Variants in PIK3CD observed in about 807,000 individuals in gnomAD.
The protein encoded by PIK3CD is phosphatidylinositol-4,5-bisphosphate 3-kinase catalytic subunit delta, also known as phosphatidylinositol 4,5-bisphosphate 3-kinase catalytic subunit delta isoform.
Under a neutral mutation model 122.9 loss-of-function variants are expected in PIK3CD, and 20 were observed. The ratio of observed to expected loss-of-function variants is 0.16; its 90% CI spans 0.11 to 0.24. The LOEUF (loss-of-function observed/expected upper bound fraction) is 0.24, where lower values mean the gene tolerates loss of function less well. Among genes scored for constraint, PIK3CD ranks in the 10% least tolerant of loss-of-function variants. PIK3CD has a pLI of 1.00. For missense variants in PIK3CD, 787 were observed against 1,406.3 expected, an observed-to-expected ratio of 0.56 and a Z score of 7.04; for synonymous variants, 596 against 593.4, an observed-to-expected ratio of 1.00 and a Z score of -0.06.
rs752785279 is a variant in PIK3CD at position 9,678,919 on chromosome 1, T to A, written c.-137-12548T>A. 5.9e-5 allele frequency among the ~76,000 whole-genome samples: 9 copies of A among 152,168 alleles called. No homozygotes were observed. The East Asian group carries it at 1.5e-3, about 26-fold the overall frequency. On this transcript the variant is annotated intron_variant, in intron 1 of 23. Transcript: ENST00000377346. ...CGTCTTTGGGTGACTCTCCACTGTA[T>A]CATCGGCTCATTTCTGGAAGAGGAC...
intron 1 of PIK3CD, chr1:9,681,114 C>T (rs925541653): frequency 7.9e-5 from 12 of 151,520 alleles, no homozygotes; most frequent in Non-Finnish European, 1.3e-4. Flanking sequence ...ACTGGCTTAC[C>T]CCAGAGCAAG....
Position 9,723,942 on chromosome 1 carries a change from C to T in PIK3CD, c.2595-27C>T, listed in dbSNP as rs763143163. 7 of 1,611,666 alleles carry T rather than the reference C, an allele frequency of 4.3e-6. No homozygotes were observed. The South Asian group carries it at 5.5e-5, about 13-fold the overall frequency. Reference sequence around the variant, plus strand: ...TAGGCGGAGCTGCAAAATGGTATGGCCATGCTTTTTAATCTTCCCCACCCA... The same window carrying T: ...TAGGCGGAGCTGCAAAATGGTATGGTCATGCTTTTTAATCTTCCCCACCCA... On this transcript the variant is annotated intron_variant, in intron 20 of 23. Coordinates refer to ENST00000377346, the MANE Select transcript of PIK3CD (RefSeq NM_005026.5). This position sits in a 1 kb window ranked among gnomAD's most constrained non-coding sequence, Gnocchi z 4.9.
At chr1:9,643,318 G>A in the PIK3CD span, among the ~76,000 whole-genome samples, 19 of 151,650 alleles carry the variant, frequency 1.3e-4, no homozygotes, top group African/African-American at 4.6e-4. Flanking sequence ...GCTGAGGCAG[G>A]AATTGCTTGA....
Position 9,689,436 on chromosome 1 carries a change from G to T in PIK3CD, c.-137-2031G>T, listed in dbSNP as rs1646102965. Among the ~76,000 whole-genome samples the T allele has an allele frequency of 6.7e-6, 1 of 150,268 alleles. No homozygotes were observed. The highest frequency in any genetic ancestry group is 1.5e-5 in the Non-Finnish European group (1 of 67,280). On this transcript the variant is annotated intron_variant, in intron 1 of 23. Transcript: ENST00000377346. This position sits in a 1 kb window ranked among gnomAD's most constrained non-coding sequence, Gnocchi z 6.1. ...GGGGGTGTGAGAATTTGCCGACGGT[G>T]CCCGCGCCGCCGCCGGCCCCGGCCC...
rs375788623 is a variant in PIK3CD at position 9,678,021 on chromosome 1, G to A, written c.-137-13446G>A. Among the ~76,000 whole-genome samples the A allele has an allele frequency of 6.6e-5, 10 of 152,124 alleles. No individual in the cohort carries two copies. In the East Asian group the frequency reaches 1.9e-3, roughly 29 times the overall value. ...TAGCTGGGTGTGGTGGCGCCTGCCT[G>A]TAATCCCAGCTGCTTGGGAGGCTGA... On this transcript the variant is annotated intron_variant, in intron 1 of 23. Transcript: ENST00000377346.
chr1:9,704,959 G>A lies in PIK3CD; in HGVS notation c.-32-5465G>A, dbSNP rs1646773642. Among the ~76,000 whole-genome samples, 1 of 152,206 alleles carries A rather than the reference G, an allele frequency of 6.6e-6. No individual in the cohort carries two copies. The highest frequency in any genetic ancestry group is 6.5e-5 in the Admixed American group (1 of 15,270). ...GAGATGTGCAGCTCTCGCTCCTCAG[G>A]GCAGCTGGGGTCCAGCTGACGGTGA... On this transcript the variant is annotated intron_variant, in intron 2 of 23. Transcript: ENST00000377346. This position sits in a 1 kb window ranked among gnomAD's most constrained non-coding sequence, Gnocchi z 5.0.
chr1:9,662,286 C>G (rs1645031987), intron 1 of PIK3CD: 1 of 152,794 alleles, frequency 6.5e-6, no homozygotes, highest in Non-Finnish European at 1.5e-5. Flanking sequence ...GCGTGAGCTA[C>G]CACGCCTGGC....
intron 1 of PIK3CD, among the ~76,000 whole-genome samples, chr1:9,673,467 T>C (rs1380607389): frequency 6.6e-6 from 1 of 152,016 alleles, no homozygotes. Flanking sequence ...CACTATGTTG[T>C]TCGGGCTGAT....
chr1:9,630,571 A>G, the PIK3CD span, among the ~76,000 whole-genome samples: 2 of 152,324 alleles, frequency 1.3e-5, no homozygotes, highest in Non-Finnish European at 2.9e-5. Flanking sequence ...ATAGGCAATC[A>G]TGGTTGAGTA....
At chr1:9,674,220 T>C (rs897394049) in intron 1 of PIK3CD, among the ~76,000 whole-genome samples, 1 of 152,214 alleles carries the variant, frequency 6.6e-6, no homozygotes, top group Non-Finnish European at 1.5e-5. Context: ...AGGTAAAGTT[T>C]CTTTTCCCGT....
At position 9,654,476 on chromosome 1, in the gene PIK3CD, G is replaced by A. The variant is rs772408415; in HGVS notation, c.-138+2674G>A. 34 of 657,410 alleles carry A rather than the reference G, an allele frequency of 5.2e-5. No homozygotes were observed. The South Asian group carries it at 5.5e-4, about 11-fold the overall frequency. The allele number at this position is 657,410 out of a possible 1,614,324, so 40.7% of individuals were successfully genotyped here. The stretch of plus-strand genomic sequence containing the variant: ...CTTACAGGACAGACAGTCCACCAAT[G>A]GTTGTGCGAAAGCCAGCCCGCTTTC... On this transcript the variant is annotated intron_variant, in intron 1 of 23. Coordinates refer to ENST00000377346, the MANE Select transcript of PIK3CD (RefSeq NM_005026.5).
chr1:9,693,890 G>C (rs1053965788), intron 2 of PIK3CD, among the ~76,000 whole-genome samples: 4 of 152,046 alleles, frequency 2.6e-5, no homozygotes, highest in African/African-American at 9.7e-5. Flanking sequence ...TGCAGGGTGG[G>C]CTGGAAGCAG....
intron 2 of PIK3CD, among the ~76,000 whole-genome samples, chr1:9,705,226 T>C (rs1646783736): frequency 6.6e-6 from 1 of 151,680 alleles, no homozygotes; most frequent in Admixed American, 6.6e-5. Flanking sequence ...ATCCCAGCAC[T>C]TTGGGATACT....
At chr1:9,638,684 A>C in the PIK3CD span, among the ~76,000 whole-genome samples, 1 of 128,214 alleles carries the variant, frequency 7.8e-6, no homozygotes, top group Non-Finnish European at 1.6e-5. Context: ...GTGAGCCGAG[A>C]TTGCACCACT....
At chr1:9,709,384 A>ATTT (rs1043548527) in intron 2 of PIK3CD, among the ~76,000 whole-genome samples, 1 of 150,516 alleles carries the variant, frequency 6.6e-6, no homozygotes, top group Admixed American at 6.6e-5. Context: ...GACCAAAGCC[A>ATTT]TTTTTAAGCC....
rs1647586090 is a variant in PIK3CD, at chr1:9,716,995, C to T, written c.817C>T (p.His273Tyr). 6.2e-7 allele frequency: 1 copy of T among 1,613,926 alleles called. No homozygotes were observed. Among genetic ancestry groups the T allele is most frequent in the Non-Finnish European group, 8.5e-7 (1 of 1,180,032 alleles). Residue 273 changes from histidine to tyrosine, a missense_variant, in exon 7 of 24, where the codon CAC becomes TAC. This residue lies in a region of PIK3CD where 592 missense variants were observed against 920.6 expected (regional missense o/e 0.64). Transcript: ENST00000377346. ...CTGCCTGCACAGTGGGTTGACCCCT[C>T]ACCTGACCATGGTCCATTCCTCCTC... Reference protein sequence around the residue: ...CSCLHSGLTPHLTMVHSSSIL... With the variant: ...CSCLHSGLTPYLTMVHSSSIL...
At chr1:9,634,039 C>T in the PIK3CD span, among the ~76,000 whole-genome samples, 1 of 151,730 alleles carries the variant, frequency 6.6e-6, no homozygotes. Flanking sequence ...GTGGCGTGAT[C>T]TCGGCTCACT....
intron 1 of PIK3CD, among the ~76,000 whole-genome samples, chr1:9,666,203 C>T (rs1253421843): frequency 1.5e-5 from 2 of 136,634 alleles, no homozygotes; most frequent in Non-Finnish European, 3.1e-5. Flanking sequence ...GCTAGGATTA[C>T]AGGCATGAGC....
intron 1 of PIK3CD, among the ~76,000 whole-genome samples, chr1:9,669,660 G>T (rs1645264553): frequency 2.0e-5 from 3 of 152,084 alleles, no homozygotes. Flanking sequence ...CATTCGTTTT[G>T]AGGGGGCTTC....
Sources: gnomAD v4.1 joint callset for allele counts (sites outside exome capture counted in the v4.1 genomes callset) on GRCh38, gnomAD v4.1.1 for gene constraint, gnomAD v4.1.1 regional missense constraint, Gnocchi (gnomAD v3.1) non-coding constraint, MANE v1.5 for transcripts, NCBI Gene and HGNC (gene_info 2026-07-23, HGNC 2026-07-21) for gene names.